The following CLSTN2 variants were observed in gnomAD, a reference collection of about 807,000 sequenced individuals.
CLSTN2 encodes calsyntenin 2, also known as calsyntenin-2.
Under a neutral mutation model 101.2 loss-of-function variants are expected in CLSTN2, and 48 were observed. That is an observed-to-expected ratio of 0.47 (90% CI 0.38 to 0.60). The LOEUF (loss-of-function observed/expected upper bound fraction) is 0.60, where lower values mean the gene tolerates loss of function less well. CLSTN2 is among the 20% of genes least tolerant of loss of function. The pLI, the probability that CLSTN2 is intolerant of heterozygous loss-of-function variation, is 0.00. For synonymous variants in CLSTN2, 481 were observed against 463.6 expected (o/e 1.04, Z -0.48); for missense variants, 1,160 against 1,238.2 (o/e 0.94, Z 0.95).
At chr3:140,085,454 C>T (rs1278397274) in intron 1 of CLSTN2, among the ~76,000 whole-genome samples, 1 of 152,180 alleles carries the variant, frequency 6.6e-6, no homozygotes, top group Non-Finnish European at 1.5e-5. Flanking sequence ...AAGTCTTCTG[C>T]TCACAGTCTT....
intron 2 of CLSTN2, among the ~76,000 whole-genome samples, chr3:140,378,954 T>G (rs1244162024): frequency 6.6e-6 from 1 of 152,200 alleles, no homozygotes; most frequent in African/African-American, 2.4e-5. Context: ...CAGCAATCAG[T>G]GCAACTTAAA....
At chr3:140,530,419 C>T (rs971549075) in intron 8 of CLSTN2, among the ~76,000 whole-genome samples, 10 of 152,110 alleles carry the variant, frequency 6.6e-5, no homozygotes, top group African/African-American at 1.7e-4. Flanking sequence ...TTTTATGCTG[C>T]GCATCATGGG....
chr3:140,013,292 C>A (rs1372618648), intron 1 of CLSTN2, among the ~76,000 whole-genome samples: 2 of 152,246 alleles, frequency 1.3e-5, no homozygotes, highest in African/African-American at 4.8e-5. Context: ...CCCATATGGG[C>A]CTGAAGCTCT....
At chr3:139,967,458 C>A (rs1422123688) in intron 1 of CLSTN2, among the ~76,000 whole-genome samples, 1 of 152,168 alleles carries the variant, frequency 6.6e-6, no homozygotes, top group East Asian at 1.9e-4. Flanking sequence ...AACACCCATG[C>A]CTTTGAGAAA....
rs183240850 is a variant in CLSTN2 at position 140,513,891 on chromosome 3, T to G, written c.1345-18433T>G. On this transcript the variant is annotated intron_variant, in intron 8 of 16. Transcript: ENST00000458420. ...TCTAGTGTATGTGCATACTGGAAAT[T>G]TATAGTATTCTCTGATGGTTGTTTG... Among the ~76,000 whole-genome samples the G allele has an allele frequency of 1.9e-3, 294 of 152,114 alleles. 2 individuals are homozygous for G. The highest frequency in any genetic ancestry group is 1.9e-3 in the Admixed American group (29 of 15,278).
Position 140,448,674 on chromosome 3 carries a change from T to A in CLSTN2, c.943T>A (p.Tyr315Asn). ...YIGKGCDRET[Y>N]SEKSLQKLCG... ...TGGGAAGGGTTGTGACCGGGAGACCTACTCTGAGAAATCCCTTCAAAAGTT... is the reference window on the plus strand; with the variant it reads ...TGGGAAGGGTTGTGACCGGGAGACCAACTCTGAGAAATCCCTTCAAAAGTT... Residue 315 changes from tyrosine (Y) to asparagine (N), a missense_variant, in exon 6 of 17, where the codon TAC becomes AAC. By Grantham distance (143) the Tyr-to-Asn change is moderately radical. Coordinates refer to ENST00000458420, the MANE Select transcript of CLSTN2 (RefSeq NM_022131.3). 1 of 1,613,476 alleles carries A rather than the reference T, an allele frequency of 6.2e-7. No individual in the cohort carries two copies.
At chr3:140,501,976 C>T (rs1934585178) in intron 8 of CLSTN2, among the ~76,000 whole-genome samples, 1 of 152,188 alleles carries the variant, frequency 6.6e-6, no homozygotes, top group Admixed American at 6.5e-5. Flanking sequence ...TGACCTTGGA[C>T]ATGTTATTCC....
At chr3:140,534,432 C>T (rs959845804) in intron 9 of CLSTN2, among the ~76,000 whole-genome samples, 3 of 152,104 alleles carry the variant, frequency 2.0e-5, no homozygotes, top group African/African-American at 4.8e-5. Context: ...GGGGAAGTAG[C>T]CCCACAAAAT....
chr3:140,461,126 C>T (rs566975186), intron 7 of CLSTN2: 39 of 152,298 alleles, frequency 2.6e-4, no homozygotes, highest in East Asian at 2.3e-3. Flanking sequence ...GCTACAAGAA[C>T]GCCACATTCT....
intron 1 of CLSTN2, among the ~76,000 whole-genome samples, chr3:140,004,295 C>T (rs1418778037): frequency 6.6e-6 from 1 of 152,180 alleles, no homozygotes; most frequent in African/African-American, 2.4e-5. Context: ...TGGAAAGTGA[C>T]TTTCTTATGT....
intron 1 of CLSTN2, among the ~76,000 whole-genome samples, chr3:140,054,009 G>A (rs1018844771): frequency 7.2e-5 from 11 of 152,164 alleles, no homozygotes; most frequent in Non-Finnish European, 1.2e-4. Context: ...CTGGTCCTCG[G>A]GCAGCTACCA....
At chr3:140,443,287 G>A (rs112407546) in intron 5 of CLSTN2, among the ~76,000 whole-genome samples, 29 of 152,306 alleles carry the variant, frequency 1.9e-4, no homozygotes, top group African/African-American at 6.7e-4. Context: ...ATTCTGCATC[G>A]TTTCTGACCA....
intron 10 of CLSTN2, among the ~76,000 whole-genome samples, 164 bp downstream of exon 10, chr3:140,546,845 T>C (rs569720956): frequency 6.6e-6 from 1 of 152,276 alleles, no homozygotes; most frequent in East Asian, 1.9e-4. Context: ...GGGAGATTAG[T>C]AACCATGACT....
intron 2 of CLSTN2, among the ~76,000 whole-genome samples, chr3:140,326,787 G>A (rs2087335633): frequency 6.6e-6 from 1 of 152,120 alleles, no homozygotes; most frequent in Admixed American, 6.5e-5. Flanking sequence ...CACATTTCCA[G>A]ACAAAACTCT....
chr3:140,356,175 GAGCCTTGGACCTAC>G (rs943088934), intron 2 of CLSTN2, among the ~76,000 whole-genome samples: 2 of 152,174 alleles, frequency 1.3e-5, no homozygotes, highest in African/African-American at 4.8e-5. Flanking sequence ...GCAGTTTGCA[GAGCCTTGGACCTAC>G]AGCTCAATAA....
At chr3:140,409,726 C>A (rs1453546137) in intron 4 of CLSTN2, among the ~76,000 whole-genome samples, 1 of 152,036 alleles carries the variant, frequency 6.6e-6, no homozygotes, top group African/African-American at 2.4e-5. Context: ...CCATTGAATT[C>A]CTGATAAGAA....
chr3:140,101,448 A>G (rs979379158), intron 1 of CLSTN2, among the ~76,000 whole-genome samples: 1 of 152,232 alleles, frequency 6.6e-6, no homozygotes, highest in African/African-American at 2.4e-5. Context: ...CAGACACTGA[A>G]GTCGCTCCCA....
At chr3:140,320,125 A>G (rs1010739323) in intron 2 of CLSTN2, among the ~76,000 whole-genome samples, 4 of 152,204 alleles carry the variant, frequency 2.6e-5, no homozygotes, top group African/African-American at 4.8e-5. Flanking sequence ...CTTCTCTGAC[A>G]ACCCTTGTGC....
intron 2 of CLSTN2, among the ~76,000 whole-genome samples, chr3:140,364,456 T>C (rs937819716): frequency 1.3e-5 from 2 of 152,180 alleles, no homozygotes; most frequent in African/African-American, 4.8e-5. Flanking sequence ...TCTGGTCTGA[T>C]TCTCTGGTGA....
Sources: allele counts gnomAD v4.1 joint callset (sites outside exome capture counted in the v4.1 genomes callset), GRCh38; gene constraint gnomAD v4.1.1; transcripts MANE v1.5; gene names NCBI Gene and HGNC (gene_info 2026-07-23, HGNC 2026-07-21).